NEGR1: variants seen among roughly 807,000 people sequenced by gnomAD.
NEGR1 encodes IgLON family member 4.
In NEGR1, 10 loss-of-function variants were observed where a neutral mutation model predicts 40.9. The ratio of observed to expected loss-of-function variants is 0.24; its 90% CI spans 0.15 to 0.42. NEGR1 has a LOEUF of 0.42. NEGR1 is among the 10% of genes least tolerant of loss of function. NEGR1 has a pLI of 1.00. For synonymous variants in NEGR1, 185 were observed against 166.8 expected (o/e 1.11, Z -0.84); for missense variants, 352 against 438.9 (o/e 0.80, Z 1.77).
At chr1:71,965,085 A>ATT (rs1360575185) in intron 1 of NEGR1, among the ~76,000 whole-genome samples, 2 of 152,082 alleles carry the variant, frequency 1.3e-5, no homozygotes, top group Admixed American at 6.6e-5. Context: ...TCTGGGAAAT[A>ATT]TTTTCCTTCT....
chr1:71,423,876 A>T (rs941082722), intron 6 of NEGR1, among the ~76,000 whole-genome samples: 2 of 148,398 alleles, frequency 1.3e-5, no homozygotes, highest in Non-Finnish European at 3.0e-5. Context: ...TTTTGAGTAT[A>T]AAGAATTAAG....
intron 1 of NEGR1, among the ~76,000 whole-genome samples, chr1:72,110,850 C>A (rs1256994354): frequency 6.6e-6 from 1 of 151,176 alleles, no homozygotes; most frequent in African/African-American, 2.4e-5. Context: ...TAAATTCCGA[C>A]AATTTATTAT....
intron 2 of NEGR1, among the ~76,000 whole-genome samples, chr1:71,919,217 C>T (rs977557024): frequency 5.3e-5 from 8 of 152,088 alleles, no homozygotes; most frequent in Non-Finnish European, 8.8e-5. Context: ...TTTACTCAAA[C>T]AAAATATCTA....
At position 72,054,420 on chromosome 1, in the gene NEGR1, G is replaced by A. The variant is rs544589607; in HGVS notation, c.177-119109C>T. ...GTTAGACTGTAGATTCTTTGGAACTGATTATTATTCTACTTCCCTATCTCA... is the reference window on the plus strand; with the variant it reads ...GTTAGACTGTAGATTCTTTGGAACTAATTATTATTCTACTTCCCTATCTCA... On this transcript the variant is annotated intron_variant, in intron 1 of 6. Coordinates refer to ENST00000357731, the MANE Select transcript of NEGR1 (RefSeq NM_173808.3). Among the ~76,000 whole-genome samples the A allele has an allele frequency of 4.0e-5, 6 of 151,342 alleles. No homozygotes were observed. In the South Asian group the frequency reaches 1.2e-3, roughly 31 times the overall value.
At chr1:71,459,322 A>G (rs1646698061) in intron 6 of NEGR1, among the ~76,000 whole-genome samples, 1 of 152,224 alleles carries the variant, frequency 6.6e-6, no homozygotes, top group African/African-American at 2.4e-5. Context: ...AATGTCTCAA[A>G]TGGTTCACTA....
chr1:71,495,291 C>T (rs1263267048), intron 6 of NEGR1, among the ~76,000 whole-genome samples: 1 of 151,866 alleles, frequency 6.6e-6, no homozygotes, highest in African/African-American at 2.4e-5. Flanking sequence ...CCAGCTTGGG[C>T]AACATGGTGA....
At chr1:72,128,997 C>T (rs1650138078) in intron 1 of NEGR1, among the ~76,000 whole-genome samples, 1 of 152,264 alleles carries the variant, frequency 6.6e-6, no homozygotes, top group African/African-American at 2.4e-5. Context: ...GCTCCAGGTT[C>T]TCTGGCTTTT....
chr1:72,216,004 T>C (rs900988711), intron 1 of NEGR1, among the ~76,000 whole-genome samples: 9 of 152,070 alleles, frequency 5.9e-5, no homozygotes, highest in South Asian at 2.1e-4. Flanking sequence ...GTGGCACATA[T>C]ACACCACTGA....
chr1:71,790,649 T>A (rs1657082302), intron 2 of NEGR1, among the ~76,000 whole-genome samples: 1 of 151,940 alleles, frequency 6.6e-6, no homozygotes, highest in Non-Finnish European at 1.5e-5. Flanking sequence ...ACAAGAAGTA[T>A]CCTAACAATA....
chr1:71,597,468 C>CTG (rs1331833538), intron 5 of NEGR1, among the ~76,000 whole-genome samples: 9 of 22,226 alleles, frequency 4.0e-4, no homozygotes, highest in African/African-American at 5.7e-4. Context: ...CTCTCTCTCT[C>CTG]TCTCTGTGTG....
chr1:71,466,458 C>T lies in NEGR1; in HGVS notation c.941-58888G>A, dbSNP rs967924908. On this transcript the variant is annotated intron_variant, in intron 6 of 6. Transcript: ENST00000357731. ...GTGGGAGCAGATAGTTTATAAACCA[C>T]GGGTATAATAAATAATTAAAATATG... Among the ~76,000 whole-genome samples, 6 of 151,850 alleles carry T rather than the reference C, an allele frequency of 4.0e-5. No homozygotes were observed. In the East Asian group the frequency reaches 5.8e-4, roughly 15 times the overall value.
intron 1 of NEGR1, among the ~76,000 whole-genome samples, chr1:72,197,893 C>T (rs12141242): frequency 0.21 from 31,441 of 151,936 alleles, 3,765 homozygotes; most frequent in South Asian, 0.28. Context: ...TTAGATTTTT[C>T]GGATGAACCC....
At chr1:71,884,081 CA>C (rs1660658017) in intron 2 of NEGR1, among the ~76,000 whole-genome samples, 2 of 151,974 alleles carry the variant, frequency 1.3e-5, no homozygotes. Flanking sequence ...TCAATGAAAT[CA>C]AATTGGTCAT....
intron 2 of NEGR1, among the ~76,000 whole-genome samples, chr1:71,919,923 G>A (rs1202980690): frequency 1.3e-5 from 2 of 152,130 alleles, no homozygotes; most frequent in African/African-American, 2.4e-5. Flanking sequence ...ACTCATAACT[G>A]CTGCTTCCCC....
chr1:72,031,455 C>T (rs1049036586), intron 1 of NEGR1, among the ~76,000 whole-genome samples: 1 of 152,148 alleles, frequency 6.6e-6, no homozygotes. Context: ...CATTTCCTAT[C>T]TTAAACATCA....
chr1:71,960,122 T>C (rs1261573707), intron 1 of NEGR1, among the ~76,000 whole-genome samples: 1 of 152,168 alleles, frequency 6.6e-6, no homozygotes, highest in Admixed American at 6.6e-5. Context: ...GGCATTCACA[T>C]ATGGTACTCT....
chr1:72,030,472 T>C (rs997062195), intron 1 of NEGR1, among the ~76,000 whole-genome samples: 3 of 152,134 alleles, frequency 2.0e-5, no homozygotes, highest in African/African-American at 7.2e-5. Context: ...ATACCATACA[T>C]GGGTACCTGG....
intron 6 of NEGR1, among the ~76,000 whole-genome samples, chr1:71,555,529 GA>G (rs1450360049): frequency 6.6e-6 from 1 of 151,608 alleles, no homozygotes; most frequent in Non-Finnish European, 1.5e-5. Context: ...TAAGGAGGAA[GA>G]AAATTAACTT....
At chr1:71,746,953 T>C (rs1223077996) in intron 3 of NEGR1, among the ~76,000 whole-genome samples, 1 of 152,234 alleles carries the variant, frequency 6.6e-6, no homozygotes, top group Admixed American at 6.5e-5. Flanking sequence ...GTAAAAAGCT[T>C]ATCTGATTCT....
Sources: gnomAD v4.1 joint callset for allele counts (sites outside exome capture counted in the v4.1 genomes callset) on GRCh38, gnomAD v4.1.1 for gene constraint, MANE v1.5 for transcripts, NCBI Gene and HGNC (gene_info 2026-07-23, HGNC 2026-07-21) for gene names.